The following DNAH14 variants were observed in gnomAD, a reference collection of about 807,000 sequenced individuals.
The protein encoded by DNAH14 is axonemal beta dynein heavy chain 14.
DNAH14 carries 478 observed loss-of-function variants against 520.9 expected under a neutral mutation model. That is an observed-to-expected ratio of 0.92 (90% confidence interval 0.85 to 0.99). The LOEUF (loss-of-function observed/expected upper bound fraction) is 0.99. Among genes scored for constraint, DNAH14 ranks in the 50% least tolerant of loss-of-function variants. The pLI is 0.00. For missense variants in DNAH14, 4,831 were observed against 5,234.5 expected, an observed-to-expected ratio of 0.92 and a Z score of 2.38; for synonymous variants, 1,581 against 1,757.2, an observed-to-expected ratio of 0.90 and a Z score of 2.51.
chr1:225,006,940 TTC>T (rs1262228001), intron 9 of DNAH14, among the ~76,000 whole-genome samples: 2 of 152,174 alleles, frequency 1.3e-5, no homozygotes, highest in African/African-American at 4.8e-5. Context: ...GCTGTAAAAT[TTC>T]TCTCTTTTGT....
At chr1:225,353,386 A>T (rs1250184876) in intron 72 of DNAH14, among the ~76,000 whole-genome samples, 1 of 152,254 alleles carries the variant, frequency 6.6e-6, no homozygotes, top group East Asian at 1.9e-4. Context: ...CTCATTTCCC[A>T]TATCGTTATA....
At chr1:225,347,484 A>G (rs917558727) in intron 71 of DNAH14, among the ~76,000 whole-genome samples, 1 of 152,186 alleles carries the variant, frequency 6.6e-6, no homozygotes, top group Non-Finnish European at 1.5e-5. Context: ...TAGAAACAAA[A>G]GAGTAGACAG....
intron 26 of DNAH14, among the ~76,000 whole-genome samples, chr1:225,120,409 A>G (rs2077193708): frequency 6.6e-6 from 1 of 152,222 alleles, no homozygotes; most frequent in African/African-American, 2.4e-5. Context: ...TCAGACTTGC[A>G]GCAAGAGGCT....
chr1:225,160,823 TTTCTG>T (rs1175180384), intron 35 of DNAH14, among the ~76,000 whole-genome samples: 1 of 152,156 alleles, frequency 6.6e-6, no homozygotes, highest in Non-Finnish European at 1.5e-5. Context: ...ACTAGCCTTC[TTTCTG>T]TTCACTTAAT....
intron 3 of DNAH14, among the ~76,000 whole-genome samples, chr1:224,955,711 G>T (rs1460573534): frequency 6.6e-6 from 1 of 152,130 alleles, no homozygotes; most frequent in Non-Finnish European, 1.5e-5. Flanking sequence ...CACCTCTGGA[G>T]CTCCGCTTCT....
rs757076115 is a variant in DNAH14, at chr1:225,085,630, T to C, written c.3414T>C (p.Ile1138=). The C allele has an allele frequency of 2.6e-6, 4 of 1,551,232 alleles. No homozygotes were observed. Among genetic ancestry groups the C allele is most frequent in the Non-Finnish European group, 3.5e-6 (4 of 1,146,746 alleles). Residue 1138 remains isoleucine, a synonymous_variant, in exon 21 of 86, where the codon ATT becomes ATC. Transcript: ENST00000682510. The part of the protein sequence containing the change: ...AALEKMLFKI[I]DFWNTTPLPL... ...TTGAAAAAATGCTATTTAAGATTAT[T>C]GATTTTTGGAACACTACTCCTTTGC...
chr1:225,195,810 G>A (rs1226182315), intron 38 of DNAH14, among the ~76,000 whole-genome samples: 2 of 151,886 alleles, frequency 1.3e-5, no homozygotes, highest in East Asian at 1.9e-4. Flanking sequence ...ACAATGATAG[G>A]CACTTTTTTT....
chr1:225,089,647 T>G (rs1285493855), intron 21 of DNAH14, among the ~76,000 whole-genome samples: 13 of 152,104 alleles, frequency 8.5e-5, no homozygotes, highest in Non-Finnish European at 1.6e-4. Flanking sequence ...CAAGAGAGAT[T>G]AATTTGAGAA....
chr1:225,044,965 TAATGTAA>T (rs3047127), intron 15 of DNAH14, among the ~76,000 whole-genome samples: 111,489 of 151,266 alleles, frequency 0.74, 43,945 homozygotes, highest in Non-Finnish European at 0.88. Flanking sequence ...TAGCTTTTAA[TAATGTAA>T]ATAAGAAGTC....
chr1:225,079,292 T>C lies in DNAH14; in HGVS notation c.2510T>C (p.Ile837Thr). 6.5e-7 allele frequency: 1 copy of C among 1,549,560 alleles called. No individual in the cohort carries two copies. Among genetic ancestry groups the C allele is most frequent in the Non-Finnish European group, 8.7e-7 (1 of 1,146,486 alleles). ...GAGCATTTTATTTTTTTGAATGCAATTTCCTCAAAAATATCTAAATTAGAA... is the reference window on the plus strand; with the variant it reads ...GAGCATTTTATTTTTTTGAATGCAACTTCCTCAAAAATATCTAAATTAGAA... ...FLEHFIFLNAISSKISKLEKE... is the reference protein window; with the variant it reads ...FLEHFIFLNATSSKISKLEKE... Residue 837 changes from isoleucine (I) to threonine (T), a missense_variant, in exon 18 of 86, where the codon ATT becomes ACT. Ile to Thr is a moderately conservative substitution (Grantham distance 89). Coordinates refer to ENST00000682510, the MANE Select transcript of DNAH14 (RefSeq NM_001367479.1).
intron 21 of DNAH14, among the ~76,000 whole-genome samples, chr1:225,091,288 G>A (rs749334648): frequency 8.6e-5 from 13 of 151,952 alleles, no homozygotes; most frequent in African/African-American, 1.9e-4. Context: ...ACACATAATC[G>A]TCAGATTCTC....
chr1:225,177,446 G>A (rs2083452128), intron 36 of DNAH14, among the ~76,000 whole-genome samples: 1 of 152,178 alleles, frequency 6.6e-6, no homozygotes, highest in South Asian at 2.1e-4. Context: ...TAAGTAATGA[G>A]GATCCAAATG....
chr1:225,162,379 C>T (rs1013361547), intron 35 of DNAH14, among the ~76,000 whole-genome samples: 1 of 152,078 alleles, frequency 6.6e-6, no homozygotes, highest in Admixed American at 6.6e-5. Flanking sequence ...ATTTTCTGGT[C>T]TTTTCCATTG....
chr1:225,126,451 G>C (rs896797792), intron 27 of DNAH14, among the ~76,000 whole-genome samples: 4 of 152,046 alleles, frequency 2.6e-5, no homozygotes, highest in African/African-American at 7.2e-5. Context: ...TGTATGTGTC[G>C]AGGAATTTAT....
Position 225,304,896 on chromosome 1 carries a change from A to G in DNAH14, c.8824-12A>G. The stretch of plus-strand genomic sequence containing the variant: ...TGCTTTCTCTTAATTCTTAAAAATT[A>G]TTATTCTTCAGAACTTGAAAGAAAA... On this transcript the variant is annotated splice_polypyrimidine_tract_variant and intron_variant, in intron 57 of 85. Coordinates refer to ENST00000682510, the MANE Select transcript of DNAH14 (RefSeq NM_001367479.1). 2 of 1,500,218 alleles carry G rather than the reference A, an allele frequency of 1.3e-6. No individual in the cohort carries two copies. The highest frequency in any genetic ancestry group is 1.8e-6 in the Non-Finnish European group (2 of 1,131,558). 92.9% of individuals were successfully genotyped at this position (1,500,218 alleles called of 1,614,324 possible). A position where few individuals can be genotyped will look rare whatever the true frequency, so the allele number is the denominator to read the frequency against.
intron 55 of DNAH14, among the ~76,000 whole-genome samples, chr1:225,292,291 G>A (rs2093909408): frequency 6.6e-6 from 1 of 151,996 alleles, no homozygotes; most frequent in African/African-American, 2.4e-5. Flanking sequence ...GGTGAGAGGT[G>A]GGGGTCTATT....
At chr1:225,365,964 T>G (rs1313079199) in intron 76 of DNAH14, among the ~76,000 whole-genome samples, 1 of 152,204 alleles carries the variant, frequency 6.6e-6, no homozygotes, top group Non-Finnish European at 1.5e-5. Flanking sequence ...ATGCCATTAT[T>G]TATACAGACA....
chr1:225,333,319 T>C lies in DNAH14; in HGVS notation c.9893T>C (p.Ile3298Thr), dbSNP rs774989045. ...KTRWQETINQ[I>T]DNKLEGILGD... ...CGATGGCAAGAAACAATCAATCAAA[T>C]AGATAACAAATTAGAAGGAATTTTG... Residue 3298 changes from isoleucine to threonine, a missense_variant, in exon 66 of 86, where the codon ATA becomes ACA. Transcript: ENST00000682510. 4.5e-5 allele frequency: 70 copies of C among 1,551,492 alleles called. No individual in the cohort carries two copies. The highest frequency in any genetic ancestry group is 3.3e-4 in the Middle Eastern group (2 of 5,986).
intron 41 of DNAH14, among the ~76,000 whole-genome samples, chr1:225,225,626 T>C (rs2090462723): frequency 6.6e-6 from 1 of 152,150 alleles, no homozygotes; most frequent in Non-Finnish European, 1.5e-5. Context: ...GCACAAGTCT[T>C]GTTTACCCTT....
Sources: allele counts gnomAD v4.1 joint callset (sites outside exome capture counted in the v4.1 genomes callset), GRCh38; gene constraint gnomAD v4.1.1; transcripts MANE v1.5; gene names NCBI Gene and HGNC (gene_info 2026-07-23, HGNC 2026-07-21).